The following SPTY2D1 variants were observed in gnomAD, a reference collection of about 807,000 sequenced individuals.
The protein encoded by SPTY2D1 is protein SPT2 homolog.
A neutral mutation model predicts 64.0 loss-of-function variants in SPTY2D1; 21 were observed. That is an observed-to-expected ratio of 0.33 (90% confidence interval 0.23 to 0.47). SPTY2D1 has a LOEUF of 0.47. Ranked by LOEUF, SPTY2D1 falls within the 20% of genes least tolerant of loss-of-function variation. The pLI, the probability that SPTY2D1 is intolerant of heterozygous loss-of-function variation, is 1.00. For synonymous variants in SPTY2D1, 287 were observed against 286.8 expected, an observed-to-expected ratio of 1.00 and a Z score of -0.01; for missense variants, 724 against 837.2, an observed-to-expected ratio of 0.86 and a Z score of 1.67.
intron 4 of SPTY2D1, 150 bp from the exon 5 acceptor site, chr11:18,611,704 TGGA>T: frequency 1.4e-6 from 1 of 692,460 alleles, no homozygotes; most frequent in Admixed American, 2.8e-5. Flanking sequence ...GTGAGGGGAG[TGGA>T]GGATGGATAG....
At chr11:18,625,181 T>C (rs1329096696) in intron 1 of SPTY2D1, among the ~76,000 whole-genome samples, 1 of 152,150 alleles carries the variant, frequency 6.6e-6, no homozygotes, top group Non-Finnish European at 1.5e-5. Context: ...ATCACCACAG[T>C]TTTTAAAAAT....
chr11:18,621,470 G>A (rs1340871747), intron 1 of SPTY2D1, among the ~76,000 whole-genome samples: 1 of 152,060 alleles, frequency 6.6e-6, no homozygotes, highest in African/African-American at 2.4e-5. Flanking sequence ...GAATAACAAA[G>A]GCTACTTTTA....
rs1379139172 is a variant in SPTY2D1, at chr11:18,615,212, C to A, written c.1062G>T (p.Gly354=). 3 of 1,614,060 alleles carry A rather than the reference C, an allele frequency of 1.9e-6. No individual in the cohort carries two copies. In the East Asian group the frequency reaches 6.7e-5, roughly 36 times the overall value. Residue 354 remains glycine, a synonymous_variant, in exon 3 of 6, where the codon GGG becomes GGT. Coordinates refer to ENST00000336349, the MANE Select transcript of SPTY2D1 (RefSeq NM_194285.3). The part of the protein sequence containing the change: ...SLSHPSHSRP[G]PMVTPHNKAK... ...CCTTATTGTGTGGGGTGACCATGGG[C>A]CCAGGCCTGGAATGGCTAGGATGGG... is the stretch of plus-strand genomic sequence containing the variant.
intron 1 of SPTY2D1, among the ~76,000 whole-genome samples, chr11:18,625,727 T>C (rs1007934558): frequency 1.4e-4 from 18 of 130,888 alleles, no homozygotes; most frequent in African/African-American, 5.1e-4. Context: ...CAACTGGCTA[T>C]TAATAATTTT....
chr11:18,613,890 T>C (rs1270319605), intron 3 of SPTY2D1, among the ~76,000 whole-genome samples: 1 of 152,092 alleles, frequency 6.6e-6, no homozygotes, highest in Non-Finnish European at 1.5e-5. Flanking sequence ...ACATAATGGG[T>C]GCCCAAGAAA....
At chr11:18,632,286 T>C (rs1854600522) in intron 1 of SPTY2D1, among the ~76,000 whole-genome samples, 8 of 152,198 alleles carry the variant, frequency 5.3e-5, no homozygotes, top group Admixed American at 5.2e-4. Flanking sequence ...ACTTCTAGGC[T>C]TACTAGCTTT....
In SPTY2D1 at chr11:18,615,333, T is replaced by C. The variant is rs544256344; in HGVS notation, c.941A>G (p.Lys314Arg). ...TGGTGAAGAGGTGCTGGAATGAGGC[T>C]TTCCAGCTCCATTAAAAACAGGTTT... The part of the protein sequence containing the change: ...HDKPVFNGAG[K>R]PHSSTSSPSV... The change falls in exon 3 of 6, where the codon AAG becomes AGG. Residue 314 changes from lysine (K) to arginine (R), a missense_variant. Around this residue, in one of 3 missense-constraint regions of SPTY2D1, gnomAD observed 426 missense variants for 431.8 expected, o/e 0.99. Coordinates refer to ENST00000336349, the MANE Select transcript of SPTY2D1 (RefSeq NM_194285.3). 173 of 1,614,204 alleles carry C rather than the reference T, an allele frequency of 1.1e-4. 1 individual carries two copies. In the South Asian group the frequency reaches 1.7e-3, roughly 15 times the overall value.
Position 18,616,859 on chromosome 11 carries a change from GGCTATA to G in SPTY2D1, c.175+10_175+15del. The G allele has an allele frequency of 6.2e-7, 1 of 1,609,044 alleles. No individual in the cohort carries two copies. The highest frequency in any genetic ancestry group is 8.5e-7 in the Non-Finnish European group (1 of 1,176,404). On this transcript the variant is annotated intron_variant, in intron 2 of 5. Coordinates refer to ENST00000336349, the MANE Select transcript of SPTY2D1 (RefSeq NM_194285.3). ...TGGAATACTTTAAAATTGAGAATAA[GGCTATA>G]GATACATACCTTTTCGTCTCAGCTC...
chr11:18,620,850 G>A (rs1376916228), intron 1 of SPTY2D1, among the ~76,000 whole-genome samples: 1 of 142,200 alleles, frequency 7.0e-6, no homozygotes, highest in Non-Finnish European at 1.5e-5. Context: ...TCGCGCCACT[G>A]CACTCCAGCC....
At position 18,615,209 on chromosome 11, in the gene SPTY2D1, G is replaced by A. The variant is rs756095298; in HGVS notation, c.1065C>T (p.Pro355=). The change falls in exon 3 of 6, where the codon CCC becomes CCT. Residue 355 remains proline (P), a synonymous_variant. Coordinates refer to ENST00000336349, the MANE Select transcript of SPTY2D1 (RefSeq NM_194285.3). ...LSHPSHSRPG[P]MVTPHNKAKS... ...TAGCCTTATTGTGTGGGGTGACCAT[G>A]GGCCCAGGCCTGGAATGGCTAGGAT... is the stretch of plus-strand genomic sequence containing the variant. 6 of 1,614,134 alleles carry A rather than the reference G, an allele frequency of 3.7e-6. No homozygotes were observed. Among genetic ancestry groups the A allele is most frequent in the Non-Finnish European group, 5.1e-6 (6 of 1,180,060 alleles).
chr11:18,616,866 G>C lies in SPTY2D1; in HGVS notation c.175+9C>G. The C allele has an allele frequency of 6.2e-7, 1 of 1,612,242 alleles. No individual in the cohort carries two copies. Among genetic ancestry groups the C allele is most frequent in the Non-Finnish European group, 8.5e-7 (1 of 1,178,504 alleles). On this transcript the variant is annotated intron_variant, in intron 2 of 5. Transcript: ENST00000336349. ...CTTTAAAATTGAGAATAAGGCTATA[G>C]ATACATACCTTTTCGTCTCAGCTCC...
rs749489129 is a variant in SPTY2D1 at position 18,612,769 on chromosome 11, CTTT to C, written c.1712-284_1712-282del. On this transcript the variant is annotated intron_variant, in intron 3 of 5. Transcript: ENST00000336349. This position sits in a 1 kb window ranked among gnomAD's most constrained non-coding sequence, Gnocchi z 4.6. ...TAAGATCAGTAAAATTTCTTTCTTT[CTTT>C]TTTTTTTTTTTGAGACAGAGTTTCA... is the stretch of plus-strand genomic sequence containing the variant. Among the ~76,000 whole-genome samples the C allele has an allele frequency of 1.4e-5, 2 of 143,034 alleles. No individual in the cohort carries two copies. The highest frequency in any genetic ancestry group is 2.5e-5 in the African/African-American group (1 of 39,358). 93.8% of individuals were successfully genotyped at this position (143,034 alleles called of 152,430 possible).
At position 18,614,650 on chromosome 11, in the gene SPTY2D1, T is replaced by C. The variant is rs766267441; in HGVS notation, c.1624A>G (p.Ile542Val). The C allele has an allele frequency of 9.3e-6, 15 of 1,614,110 alleles. No individual in the cohort carries two copies. Among genetic ancestry groups the C allele is most frequent in the East Asian group, 4.5e-5 (2 of 44,898 alleles). Reference sequence around the variant, plus strand: ...CGGCTAATGATATTCTTGGAAGAAATTGTTTCGGAGACAACAGTGCACTTA... The same window carrying C: ...CGGCTAATGATATTCTTGGAAGAAACTGTTTCGGAGACAACAGTGCACTTA... ...KPKCTVVSET[I>V]SSKNIISRSS... Residue 542 changes from isoleucine to valine, a missense_variant, in exon 3 of 6, where the codon ATT becomes GTT. Transcript: ENST00000336349.
chr11:18,618,693 T>C (rs112984950), intron 1 of SPTY2D1, among the ~76,000 whole-genome samples: 3 of 152,286 alleles, frequency 2.0e-5, no homozygotes, highest in Admixed American at 6.5e-5. Context: ...AGGAACAACT[T>C]AGGAACCAAA....
intron 1 of SPTY2D1, among the ~76,000 whole-genome samples, chr11:18,626,533 T>C (rs1854501695): frequency 6.6e-6 from 1 of 152,144 alleles, no homozygotes; most frequent in African/African-American, 2.4e-5. Context: ...CCATCCTCAG[T>C]ACACGCCCCT....
At chr11:18,632,640 C>T (rs1020679776) in intron 1 of SPTY2D1, among the ~76,000 whole-genome samples, 6 of 152,186 alleles carry the variant, frequency 3.9e-5, no homozygotes, top group Admixed American at 1.3e-4. Flanking sequence ...TGAGCCATTG[C>T]GCCCATCTAT....
intron 1 of SPTY2D1, among the ~76,000 whole-genome samples, chr11:18,630,339 G>A (rs1017217752): frequency 1.3e-5 from 2 of 152,222 alleles, no homozygotes; most frequent in South Asian, 4.2e-4. Flanking sequence ...GCTGGGTGTG[G>A]TGGCATGCGC....
intron 1 of SPTY2D1, among the ~76,000 whole-genome samples, chr11:18,627,528 A>G (rs1823305677): frequency 2.6e-5 from 4 of 152,066 alleles, no homozygotes; most frequent in Admixed American, 2.6e-4. Flanking sequence ...GGATCACTTG[A>G]GGTCAGGAGT....
intron 5 of SPTY2D1, among the ~76,000 whole-genome samples, chr11:18,610,776 A>G (rs1185039095): frequency 6.6e-6 from 1 of 152,120 alleles, no homozygotes; most frequent in Non-Finnish European, 1.5e-5. Flanking sequence ...CAGAAATCAG[A>G]GGAAATGTAA....
Sources: allele counts gnomAD v4.1 joint callset (sites outside exome capture counted in the v4.1 genomes callset), GRCh38; gene constraint gnomAD v4.1.1; regional missense constraint gnomAD v4.1.1; non-coding constraint Gnocchi (gnomAD v3.1); transcripts MANE v1.5; gene names NCBI Gene and HGNC (gene_info 2026-07-23, HGNC 2026-07-21).